The following ADARB1 variants were observed in gnomAD, a reference collection of about 807,000 sequenced individuals.
ADARB1 encodes the protein double-stranded RNA-specific editase 1.
ADARB1 carries 10 observed loss-of-function variants against 52.4 expected under a neutral mutation model. The ratio of observed to expected loss-of-function variants is 0.19; its 90% CI spans 0.12 to 0.32. ADARB1 has a LOEUF of 0.32. ADARB1 is among the 10% of genes least tolerant of loss of function. ADARB1 has a pLI of 1.00. For synonymous variants in ADARB1, 349 were observed against 371.1 expected (o/e 0.94, Z 0.68); for missense variants, 643 against 922.3 (o/e 0.70, Z 3.92).
intron 1 of ADARB1, among the ~76,000 whole-genome samples, chr21:45,111,921 A>G (rs1283556164): frequency 6.6e-6 from 1 of 152,212 alleles, no homozygotes; most frequent in Non-Finnish European, 1.5e-5. Context: ...TGAGTGGGTG[A>G]TGCTGGCATG....
chr21:45,121,509 G>T (rs527995496), intron 1 of ADARB1, among the ~76,000 whole-genome samples: 2 of 152,106 alleles, frequency 1.3e-5, no homozygotes, highest in African/African-American at 4.8e-5. Flanking sequence ...CTGTGTCTGG[G>T]TTCATGCTTA....
In ADARB1 at chr21:45,221,722, A is replaced by G. The variant is rs1323733701; in HGVS notation, c.1927-296A>G. Among the ~76,000 whole-genome samples the G allele has an allele frequency of 6.6e-6, 1 of 152,228 alleles. No individual in the cohort carries two copies. Among genetic ancestry groups the G allele is most frequent in the Non-Finnish European group, 1.5e-5 (1 of 68,036 alleles). ...ACATCCGTGGTGCTTCTTAGAGTTA[A>G]AAATGAAACGTGAATCCACTATTGG... On this transcript the variant is annotated intron_variant, in intron 10 of 10. Coordinates refer to ENST00000348831, the MANE Select transcript of ADARB1 (RefSeq NM_001112.4). This position sits in a 1 kb window ranked among gnomAD's most constrained non-coding sequence, Gnocchi z 4.9.
chr21:45,108,028 C>T (rs1386045994), intron 1 of ADARB1, among the ~76,000 whole-genome samples: 1 of 152,226 alleles, frequency 6.6e-6, no homozygotes, highest in South Asian at 2.1e-4. Flanking sequence ...GCCACTCCAG[C>T]CTCGGTGACA....
chr21:45,160,955 G>A (rs1369167900), intron 2 of ADARB1, among the ~76,000 whole-genome samples: 3 of 152,210 alleles, frequency 2.0e-5, no homozygotes, highest in African/African-American at 7.2e-5. Flanking sequence ...ATTCTTCTGA[G>A]AGTATAAATA....
rs1424719312 is a variant in ADARB1 at position 45,175,883 on chromosome 21, G to A, written c.182G>A (p.Gly61Asp). The A allele has an allele frequency of 1.2e-6, 2 of 1,613,052 alleles. No individual in the cohort carries two copies. Among genetic ancestry groups the A allele is most frequent in the Non-Finnish European group, 1.7e-6 (2 of 1,179,580 alleles). The change falls in exon 4 of 11, where the codon GGC becomes GAC. Residue 61 changes from glycine to aspartate, a missense_variant. Gly to Asp is a moderately conservative substitution (Grantham distance 94). Around this residue, in one of 2 missense-constraint regions of ADARB1, gnomAD observed 380 missense variants for 446.5 expected, o/e 0.85. Transcript: ENST00000348831. ...RKRPLEEGSN[G>D]HSKYRLKKRR... ...CGGCCCCTGGAGGAGGGCAGCAATG[G>A]CCACTCCAAGTACCGCCTGAAGAAA...
At chr21:45,099,498 C>T (rs2086907768) in intron 1 of ADARB1, among the ~76,000 whole-genome samples, 1 of 98,780 alleles carries the variant, frequency 1.0e-5, no homozygotes, top group South Asian at 4.2e-4. Flanking sequence ...AACCCTATCT[C>T]TACTAAAAGT....
intron 1 of ADARB1, among the ~76,000 whole-genome samples, chr21:45,119,138 G>A (rs1039397792): frequency 6.6e-6 from 1 of 152,218 alleles, no homozygotes; most frequent in Non-Finnish European, 1.5e-5. Flanking sequence ...CACCCAGGGT[G>A]AAGTGCAGTA....
chr21:45,138,922 CTTTT>C (rs5844226), intron 2 of ADARB1, among the ~76,000 whole-genome samples: 2 of 141,446 alleles, frequency 1.4e-5, no homozygotes, highest in Non-Finnish European at 1.5e-5. Flanking sequence ...TTGTTGTCTT[CTTTT>C]TTTTTTTTTT....
At chr21:45,143,195 C>G (rs1046392720) in intron 2 of ADARB1, among the ~76,000 whole-genome samples, 3 of 152,194 alleles carry the variant, frequency 2.0e-5, no homozygotes, top group Non-Finnish European at 2.9e-5. Context: ...GCACTGTGCT[C>G]CTCACTCAGG....
chr21:45,164,727 T>G (rs2091169503), intron 2 of ADARB1, among the ~76,000 whole-genome samples: 1 of 152,108 alleles, frequency 6.6e-6, no homozygotes. Flanking sequence ...CGTTTTTTAT[T>G]TATAAGGACA....
intron 5 of ADARB1, among the ~76,000 whole-genome samples, chr21:45,181,119 C>T (rs996355878): frequency 8.5e-5 from 13 of 152,336 alleles, no homozygotes; most frequent in Admixed American, 7.2e-4. Flanking sequence ...CCAGCATCTG[C>T]TCAGCCCAGC....
At chr21:45,097,440 T>TA (rs1439235391) in intron 1 of ADARB1, among the ~76,000 whole-genome samples, 1 of 151,814 alleles carries the variant, frequency 6.6e-6, no homozygotes, top group East Asian at 1.9e-4. Flanking sequence ...AATCATGATT[T>TA]TTTTTTTTTT....
chr21:45,161,530 C>G (rs1398570570), intron 2 of ADARB1, among the ~76,000 whole-genome samples: 2 of 152,238 alleles, frequency 1.3e-5, no homozygotes, highest in African/African-American at 4.8e-5. Context: ...TGGGTGCTGA[C>G]AAGCATGAGA....
At chr21:45,112,078 T>C (rs1401181367) in intron 1 of ADARB1, among the ~76,000 whole-genome samples, 1 of 152,234 alleles carries the variant, frequency 6.6e-6, no homozygotes, top group East Asian at 1.9e-4. Flanking sequence ...ATGGACCTGC[T>C]TACTAGTGAG....
Position 45,109,235 on chromosome 21 carries a change from ATG to A in ADARB1, c.-219-19160_-219-19159del, listed in dbSNP as rs549207265. Among the ~76,000 whole-genome samples, 139 of 134,406 alleles carry A rather than the reference ATG, an allele frequency of 1.0e-3. 1 individual carries two copies. Among genetic ancestry groups the A allele is most frequent in the African/African-American group, 3.6e-3 (126 of 34,722 alleles). The allele number at this position is 134,406 out of a possible 152,430, so 88.2% of individuals were successfully genotyped here. ...CGCGTGTGTGCGCGCTTGTGTGTAT[ATG>A]TGTGTGCGCGCGTGTGCGTATGTGT... On this transcript the variant is annotated intron_variant, in intron 1 of 10. Coordinates refer to ENST00000348831, the MANE Select transcript of ADARB1 (RefSeq NM_001112.4).
chr21:45,098,514 C>T (rs2086863994), intron 1 of ADARB1, among the ~76,000 whole-genome samples: 1 of 152,210 alleles, frequency 6.6e-6, no homozygotes, highest in Admixed American at 6.5e-5. Flanking sequence ...TTTATGGAGG[C>T]ATCCTCTAGG....
At chr21:45,171,253 C>T (rs1412697768) in intron 2 of ADARB1, among the ~76,000 whole-genome samples, 1 of 152,238 alleles carries the variant, frequency 6.6e-6, no homozygotes, top group Non-Finnish European at 1.5e-5. Flanking sequence ...CCCTCCATTG[C>T]CTGGAATCAA....
chr21:45,125,900 G>A (rs997420049), intron 1 of ADARB1, among the ~76,000 whole-genome samples: 3 of 152,130 alleles, frequency 2.0e-5, no homozygotes, highest in African/African-American at 7.2e-5. Flanking sequence ...TCCCTGACTT[G>A]TTCAGGTAGG....
intron 1 of ADARB1, among the ~76,000 whole-genome samples, chr21:45,092,179 G>T (rs752372120): frequency 1.3e-5 from 2 of 152,132 alleles, no homozygotes; most frequent in African/African-American, 4.8e-5. Context: ...CTCCTGGGCC[G>T]TCGGTTCAGA....
Sources: gnomAD v4.1 joint callset for allele counts (sites outside exome capture counted in the v4.1 genomes callset) on GRCh38, gnomAD v4.1.1 for gene constraint, gnomAD v4.1.1 regional missense constraint, Gnocchi (gnomAD v3.1) non-coding constraint, MANE v1.5 for transcripts, NCBI Gene and HGNC (gene_info 2026-07-23, HGNC 2026-07-21) for gene names.